Variants in CDH6 observed in about 807,000 individuals in gnomAD.
CDH6 encodes the protein cadherin-6.
CDH6 carries 31 observed loss-of-function variants against 78.0 expected under a neutral mutation model. That is an observed-to-expected ratio of 0.40 (90% CI 0.30 to 0.54). The LOEUF (loss-of-function observed/expected upper bound fraction) is 0.54, where lower values mean the gene tolerates loss of function less well. Among genes scored for constraint, CDH6 ranks in the 20% least tolerant of loss-of-function variants. The pLI is 0.56. For synonymous variants in CDH6, 376 were observed against 368.8 expected (o/e 1.02, Z -0.23); for missense variants, 724 against 975.9 (o/e 0.74, Z 3.44).
chr5:31,237,105 C>T (rs952880740), intron 1 of CDH6, among the ~76,000 whole-genome samples: 7 of 152,068 alleles, frequency 4.6e-5, no homozygotes, highest in Admixed American at 6.5e-5. Context: ...TAAACCTCAC[C>T]GTGTTTCAGA....
chr5:31,198,647 G>C (rs933290583), intron 1 of CDH6, among the ~76,000 whole-genome samples: 4 of 152,108 alleles, frequency 2.6e-5, no homozygotes, highest in Non-Finnish European at 5.9e-5. Context: ...TTAACTTGGG[G>C]AAGTGTCCAA....
intron 2 of CDH6, among the ~76,000 whole-genome samples, chr5:31,284,194 A>G (rs1035754322): frequency 1.1e-4 from 16 of 152,286 alleles, no homozygotes; most frequent in Admixed American, 7.8e-4. Context: ...CACTAATTCC[A>G]TGTATAAATG....
At chr5:31,315,468 C>T (rs938469138) in intron 8 of CDH6, among the ~76,000 whole-genome samples, 4 of 152,232 alleles carry the variant, frequency 2.6e-5, no homozygotes, top group African/African-American at 9.6e-5. Context: ...AGAAATCTGT[C>T]TTCCATACTG....
At chr5:31,275,998 G>A (rs1228170398) in intron 2 of CDH6, among the ~76,000 whole-genome samples, 2 of 152,220 alleles carry the variant, frequency 1.3e-5, no homozygotes, top group African/African-American at 2.4e-5. Context: ...ATGTTTAGAT[G>A]TCAATGTGCC....
At chr5:31,303,645 C>T (rs997885704) in intron 6 of CDH6, among the ~76,000 whole-genome samples, 36 of 152,144 alleles carry the variant, frequency 2.4e-4, no homozygotes, top group Non-Finnish European at 4.4e-5. Flanking sequence ...TTTTGGCTAA[C>T]TTCTTATGAT....
intron 2 of CDH6, among the ~76,000 whole-genome samples, chr5:31,272,763 G>T (rs921262744): frequency 6.6e-6 from 1 of 152,040 alleles, no homozygotes; most frequent in Non-Finnish European, 1.5e-5. Flanking sequence ...CTCCACTAAC[G>T]CATTCGAGGT....
At chr5:31,270,982 T>C (rs1422557752) in intron 2 of CDH6, among the ~76,000 whole-genome samples, 7 of 152,308 alleles carry the variant, frequency 4.6e-5, no homozygotes, top group South Asian at 2.1e-4. Flanking sequence ...CCAAGGCTAA[T>C]AGAACCTTTA....
intron 1 of CDH6, among the ~76,000 whole-genome samples, chr5:31,197,733 T>A (rs558967312): frequency 5.9e-5 from 9 of 152,326 alleles, no homozygotes; most frequent in African/African-American, 2.2e-4. Context: ...GCATATGGGC[T>A]GATTTTCTTT....
chr5:31,223,249 C>T (rs766781000), intron 1 of CDH6, among the ~76,000 whole-genome samples: 26 of 152,116 alleles, frequency 1.7e-4, no homozygotes, highest in Admixed American at 3.9e-4. Context: ...TTCACAGTGG[C>T]GGATAAAAAT....
At chr5:31,207,271 T>G (rs1475316542) in intron 1 of CDH6, among the ~76,000 whole-genome samples, 4 of 152,212 alleles carry the variant, frequency 2.6e-5, no homozygotes, top group African/African-American at 9.6e-5. Context: ...TCAGGTCTTT[T>G]AGTCATGAAA....
intron 2 of CDH6, among the ~76,000 whole-genome samples, chr5:31,291,511 T>C (rs1344355578): frequency 6.6e-6 from 1 of 152,188 alleles, no homozygotes; most frequent in Non-Finnish European, 1.5e-5. Context: ...ATTTTGCAGA[T>C]AAGAATCCTG....
chr5:31,253,151 G>T (rs770152604), intron 1 of CDH6, among the ~76,000 whole-genome samples: 1 of 152,144 alleles, frequency 6.6e-6, no homozygotes, highest in Admixed American at 6.5e-5. Context: ...ATGCCAGAAG[G>T]GGTCAGGGAT....
intron 1 of CDH6, among the ~76,000 whole-genome samples, chr5:31,246,599 G>A (rs1427421745): frequency 6.6e-6 from 1 of 152,176 alleles, no homozygotes; most frequent in African/African-American, 2.4e-5. Context: ...ACAGTGTGAA[G>A]GTGACCCTAG....
chr5:31,242,706 G>GGT (rs1311704441), intron 1 of CDH6, among the ~76,000 whole-genome samples: 1 of 147,900 alleles, frequency 6.8e-6, no homozygotes, highest in Non-Finnish European at 1.5e-5. Context: ...AAGAATGGGG[G>GGT]GGGGCGGTTA....
intron 1 of CDH6, among the ~76,000 whole-genome samples, chr5:31,228,337 G>A (rs1243836515): frequency 4.6e-5 from 7 of 152,184 alleles, no homozygotes; most frequent in African/African-American, 1.4e-4. Flanking sequence ...GGATTGGGAC[G>A]TGGGCATATT....
At chr5:31,244,581 G>A (rs897548912) in intron 1 of CDH6, among the ~76,000 whole-genome samples, 10 of 151,874 alleles carry the variant, frequency 6.6e-5, no homozygotes, top group South Asian at 4.1e-4. Context: ...TCAGGTGACC[G>A]AGCCAGGAGC....
chr5:31,300,098 T>G (rs1579897250), intron 5 of CDH6, among the ~76,000 whole-genome samples: 1 of 152,336 alleles, frequency 6.6e-6, no homozygotes, highest in Middle Eastern at 3.4e-3. Flanking sequence ...CTTAATCCAT[T>G]TGTAATCATA....
At chr5:31,199,713 ATATC>A (rs1252457636) in intron 1 of CDH6, among the ~76,000 whole-genome samples, 1,803 of 134,630 alleles carry the variant, frequency 0.013, 50 homozygotes, top group African/African-American at 0.032. Context: ...ATATATATAT[ATATC>A]TCAAAGATAA....
intron 1 of CDH6, among the ~76,000 whole-genome samples, chr5:31,200,595 CACAT>C (rs1015841731): frequency 2.0e-5 from 3 of 150,256 alleles, no homozygotes; most frequent in African/African-American, 7.4e-5. Context: ...CACACACACA[CACAT>C]ATACACACCA....
Sources: allele counts gnomAD v4.1 joint callset (sites outside exome capture counted in the v4.1 genomes callset), GRCh38; gene constraint gnomAD v4.1.1; transcripts MANE v1.5; gene names NCBI Gene and HGNC (gene_info 2026-07-23, HGNC 2026-07-21).